ZC3H3: variants seen among roughly 807,000 people sequenced by gnomAD.
The protein encoded by ZC3H3 is zinc finger CCCH domain-containing protein 3.
In ZC3H3, 36 loss-of-function variants were observed where a neutral mutation model predicts 77.3. The observed-to-expected ratio is 0.47, with a 90% CI of 0.36 to 0.61. The LOEUF is 0.61. Among genes scored for constraint, ZC3H3 ranks in the 20% least tolerant of loss-of-function variants. The pLI is 0.00. For synonymous variants in ZC3H3, 626 were observed against 555.2 expected (o/e 1.13, Z -1.79); for missense variants, 1,331 against 1,312.2 (o/e 1.01, Z -0.22).
intron 4 of ZC3H3, among the ~76,000 whole-genome samples, chr8:143,500,822 T>TC (rs1461410093): frequency 2.7e-5 from 4 of 150,766 alleles, no homozygotes; most frequent in African/African-American, 9.8e-5. Context: ...ATGTCTATTT[T>TC]TTTTTTTTTT....
At chr8:143,500,515 C>T (rs2130398102) in intron 4 of ZC3H3, among the ~76,000 whole-genome samples, 1 of 152,364 alleles carries the variant, frequency 6.6e-6, no homozygotes, top group East Asian at 1.9e-4. Flanking sequence ...GAGTCTAAGT[C>T]CATTTTCTGC....
intron 9 of ZC3H3, among the ~76,000 whole-genome samples, chr8:143,446,960 AGC>A (rs1819876333): frequency 6.6e-6 from 1 of 152,236 alleles, no homozygotes; most frequent in South Asian, 2.1e-4. Flanking sequence ...CTTTTCCCCA[AGC>A]CAGCCTGGCC....
Position 143,441,120 on chromosome 8 carries a change from A to G in ZC3H3, c.2308T>C (p.Cys770Arg). 7.0e-7 allele frequency: 1 copy of G among 1,427,152 alleles called. No homozygotes were observed. The highest frequency in any genetic ancestry group is 9.1e-7 in the Non-Finnish European group (1 of 1,100,200). The allele number at this position is 1,427,152 out of a possible 1,614,324, so 88.4% of individuals were successfully genotyped here. ...CACAGCAGCGTGTGTTTCTTCTTGC[A>G]CTGCAGAGAGAAGGGGTGCAGGTGG... is the stretch of plus-strand genomic sequence containing the variant. ...LKGYCPLGAK[C>R]KKKHTLLCPD... Residue 770 changes from cysteine to arginine, a missense_variant and splice_region_variant, in exon 10 of 12, where the codon TGC becomes CGC. Transcript: ENST00000262577.
intron 4 of ZC3H3, chr8:143,484,491 G>C (rs1421678776): frequency 1.9e-5 from 3 of 155,994 alleles, no homozygotes; most frequent in Non-Finnish European, 2.8e-5. Context: ...AAGATGGAAA[G>C]TAAAATTCTC....
At chr8:143,523,815 C>T (rs1287634585) in intron 3 of ZC3H3, among the ~76,000 whole-genome samples, 1 of 152,230 alleles carries the variant, frequency 6.6e-6, no homozygotes, top group Non-Finnish European at 1.5e-5. Flanking sequence ...CACACTGAGA[C>T]GCAGCACAAC....
In ZC3H3 at chr8:143,468,265, T is replaced by A; in HGVS notation, c.2119A>T (p.Thr707Ser). Residue 707 changes from threonine (T) to serine (S), a missense_variant, in exon 8 of 12, where the codon ACC becomes TCC. Coordinates refer to ENST00000262577, the MANE Select transcript of ZC3H3 (RefSeq NM_015117.3). ...VAVCTRFVRG[T>S]CKKTDGTCPF... is the part of the protein sequence containing the mutation. ...CAGGTCCCATCCGTTTTCTTGCAGG[T>A]GCCCCGGACAAACCTGCAGCACCAG... The A allele has an allele frequency of 6.2e-7, 1 of 1,612,938 alleles. No individual in the cohort carries two copies. Among genetic ancestry groups the A allele is most frequent in the Non-Finnish European group, 8.5e-7 (1 of 1,179,910 alleles).
intron 3 of ZC3H3, among the ~76,000 whole-genome samples, chr8:143,534,374 A>G (rs1426717173): frequency 4.6e-5 from 7 of 151,328 alleles, no homozygotes; most frequent in Non-Finnish European, 8.8e-5. Context: ...CGAAATGGTC[A>G]GCCGGTGAAG....
At chr8:143,478,654 C>T (rs1820816045) in intron 4 of ZC3H3, among the ~76,000 whole-genome samples, 1 of 152,222 alleles carries the variant, frequency 6.6e-6, no homozygotes, top group Non-Finnish European at 1.5e-5. Context: ...GGATTACAGG[C>T]ATGTGCCAAC....
rs933483228 is a variant in ZC3H3, at chr8:143,530,899, C to A, written c.1561+5358G>T. Among the ~76,000 whole-genome samples, 4 of 151,998 alleles carry A rather than the reference C, an allele frequency of 2.6e-5. No individual in the cohort carries two copies. The highest frequency in any genetic ancestry group is 4.4e-5 in the Non-Finnish European group (3 of 67,996). Reference sequence around the variant, plus strand: ...GATCAACCCAGGCAGGTCTCTACTGCAGCCTCCAGCAAACATTACTCGCCC... The same window carrying A: ...GATCAACCCAGGCAGGTCTCTACTGAAGCCTCCAGCAAACATTACTCGCCC... On this transcript the variant is annotated intron_variant, in intron 3 of 11. Coordinates refer to ENST00000262577, the MANE Select transcript of ZC3H3 (RefSeq NM_015117.3). This position sits in a 1 kb window ranked among gnomAD's most constrained non-coding sequence, Gnocchi z 4.3.
intron 2 of ZC3H3, among the ~76,000 whole-genome samples, chr8:143,537,095 CCCG>C (rs1822824456): frequency 6.6e-6 from 1 of 152,180 alleles, no homozygotes; most frequent in African/African-American, 2.4e-5. Context: ...AGGCAGGACC[CCCG>C]CCCTCTGCCC....
intron 9 of ZC3H3, among the ~76,000 whole-genome samples, chr8:143,447,147 G>A (rs1819880916): frequency 1.3e-5 from 2 of 152,238 alleles, no homozygotes; most frequent in South Asian, 2.1e-4. Context: ...ATTCAGCCCA[G>A]GGCCTGAGGG....
Position 143,541,418 on chromosome 8 carries a change from C to A in ZC3H3, c.4G>T (p.Glu2Ter). The change falls in exon 1 of 12, where the codon GAG becomes TAG. Residue 2 changes from glutamate (E) to a stop codon, truncating the protein, a stop_gained. Coordinates refer to ENST00000262577, the MANE Select transcript of ZC3H3 (RefSeq NM_015117.3). LOFTEE classifies it high-confidence loss of function. M[E>*]EKEILRRQIR... ...TGCCGCCGTAATATCTCCTTTTCCT[C>A]CATCTCCCGAGTCCGCGACGGCCGG... 6.2e-7 allele frequency: 1 copy of A among 1,611,896 alleles called. No homozygotes were observed. The highest frequency in any genetic ancestry group is 8.5e-7 in the Non-Finnish European group (1 of 1,179,424).
At chr8:143,512,079 G>A (rs1384964096) in intron 3 of ZC3H3, among the ~76,000 whole-genome samples, 2 of 152,354 alleles carry the variant, frequency 1.3e-5, no homozygotes, top group South Asian at 2.1e-4. Context: ...TGACAGCAGC[G>A]AGCGGCCAGG....
chr8:143,531,348 C>T (rs1156656001), intron 3 of ZC3H3, among the ~76,000 whole-genome samples: 1 of 152,164 alleles, frequency 6.6e-6, no homozygotes, highest in African/African-American at 2.4e-5. Flanking sequence ...GGCACACTGA[C>T]AGCAGAGGAA....
At chr8:143,517,556 G>C (rs558970831) in intron 3 of ZC3H3, among the ~76,000 whole-genome samples, 1 of 152,120 alleles carries the variant, frequency 6.6e-6, no homozygotes, top group African/African-American at 2.4e-5. Context: ...ACCCAGCCTC[G>C]GTCCCCACTT....
chr8:143,468,153 T>TG, intron 8 of ZC3H3, 56 bp downstream of exon 8: 1 of 1,578,534 alleles, frequency 6.3e-7, no homozygotes, highest in Non-Finnish European at 8.6e-7. Flanking sequence ...GGAGGCCAGG[T>TG]GGCTGAGGCC....
chr8:143,472,618 C>T (rs371133799), intron 5 of ZC3H3, among the ~76,000 whole-genome samples: 28 of 152,330 alleles, frequency 1.8e-4, no homozygotes, highest in South Asian at 1.0e-3. Flanking sequence ...CTGCCACAGG[C>T]GTCTCTGTGG....
chr8:143,461,428 T>C (rs890260875), intron 9 of ZC3H3, among the ~76,000 whole-genome samples: 113 of 152,220 alleles, frequency 7.4e-4, no homozygotes, highest in African/African-American at 2.6e-3. Context: ...GAAGCCGTTT[T>C]AGAAAACAGG....
intron 3 of ZC3H3, among the ~76,000 whole-genome samples, chr8:143,522,039 G>A (rs1269044216): frequency 6.6e-6 from 1 of 152,222 alleles, no homozygotes; most frequent in Non-Finnish European, 1.5e-5. Flanking sequence ...GTGTCTCTGG[G>A]GTCCCTCTGC....
Sources: allele counts gnomAD v4.1 joint callset (sites outside exome capture counted in the v4.1 genomes callset), GRCh38; gene constraint gnomAD v4.1.1; non-coding constraint Gnocchi (gnomAD v3.1); transcripts MANE v1.5; gene names NCBI Gene and HGNC (gene_info 2026-07-23, HGNC 2026-07-21).